COL11A1: variants seen among roughly 807,000 people sequenced by gnomAD.
COL11A1 encodes the protein collagen alpha-1(XI) chain.
In COL11A1, 74 loss-of-function variants were observed where a neutral mutation model predicts 265.2. The observed-to-expected ratio is 0.28, with a 90% CI of 0.23 to 0.34. COL11A1 has a LOEUF of 0.34. Ranked by LOEUF, COL11A1 falls within the 10% of genes least tolerant of loss-of-function variation. The probability of loss-of-function intolerance (pLI) is 1.00; values close to 1 mark genes in which losing one functional copy is unlikely to be tolerated. For missense variants in COL11A1, 2,165 were observed against 2,263.6 expected (o/e 0.96, Z 0.88); for synonymous variants, 816 against 727.6 (o/e 1.12, Z -1.96).
chr1:102,986,312 G>T (rs1344304588), intron 30 of COL11A1, among the ~76,000 whole-genome samples: 1 of 149,422 alleles, frequency 6.7e-6, no homozygotes, highest in Non-Finnish European at 1.5e-5. Context: ...CTATCGCAAG[G>T]ACAAAAAACC....
At chr1:102,946,757 C>T (rs993523371) in intron 42 of COL11A1, 92 bp downstream of exon 42, 19 of 964,904 alleles carry the variant, frequency 2.0e-5, no homozygotes, top group Middle Eastern at 2.2e-4. Flanking sequence ...AGAGAGAATA[C>T]GGTGGTGTAT....
intron 48 of COL11A1, 81 bp from the exon 49 acceptor site, chr1:102,920,445 A>C (rs1442263772): frequency 8.4e-7 from 1 of 1,194,380 alleles, no homozygotes; most frequent in East Asian, 2.4e-5. Flanking sequence ...AGTTGTTCTC[A>C]AAAAAGAGAA....
chr1:102,878,503 T>TATATATATATATATATATA (rs1553191037), intron 66 of COL11A1, among the ~76,000 whole-genome samples: 256 of 127,162 alleles, frequency 2.0e-3, no homozygotes, highest in South Asian at 3.6e-3. Flanking sequence ...TATATATATA[T>TATATATATATATATATATA]TCTTTTTCTT....
At chr1:102,913,789 A>T in intron 52 of COL11A1, 99 bp from the exon 53 acceptor site, 1 of 1,039,886 alleles carries the variant, frequency 9.6e-7, no homozygotes, top group South Asian at 1.3e-5. Context: ...TCTTGAGAAA[A>T]ATTATCAGAT....
chr1:102,998,697 T>G (rs1423373895), intron 24 of COL11A1, among the ~76,000 whole-genome samples: 1 of 151,854 alleles, frequency 6.6e-6, no homozygotes, highest in Non-Finnish European at 1.5e-5. Context: ...AATATATTGA[T>G]TCATATCATT....
intron 46 of COL11A1, among the ~76,000 whole-genome samples, chr1:102,933,675 G>C (rs1186474265): frequency 6.6e-6 from 1 of 152,074 alleles, no homozygotes; most frequent in African/African-American, 2.4e-5. Flanking sequence ...AATGGCGGGC[G>C]CCCCTCCCCC....
rs554010222 is a variant in COL11A1 at position 103,035,172 on chromosome 1, C to T, written c.652-3928G>A. On this transcript the variant is annotated intron_variant, in intron 4 of 66. Coordinates refer to ENST00000370096, the MANE Select transcript of COL11A1 (RefSeq NM_001854.4). ...ATTTGAAATAGCAGGGCCTTCTCCT[C>T]AGGTCTTTCCTGGACAGTCACACAG... Among the ~76,000 whole-genome samples the T allele has an allele frequency of 5.3e-5, 8 of 152,164 alleles. No individual in the cohort carries two copies. The East Asian group carries it at 1.5e-3, about 29-fold the overall frequency.
intron 29 of COL11A1, 108 bp from the exon 30 acceptor site, chr1:102,987,848 T>G (rs1478171101): frequency 1.3e-5 from 11 of 829,166 alleles, no homozygotes; most frequent in Non-Finnish European, 2.1e-5. Flanking sequence ...AAACTCCATC[T>G]TGCCTTTTAC....
intron 25 of COL11A1, 86 bp downstream of exon 25, chr1:102,998,224 T>G (rs2101807032): frequency 9.2e-7 from 1 of 1,081,482 alleles, no homozygotes; most frequent in East Asian, 2.5e-5. Flanking sequence ...ATTACTAACC[T>G]CATATAATCA....
At chr1:102,906,680 G>T (rs547563563) in intron 54 of COL11A1, among the ~76,000 whole-genome samples, 1 of 152,176 alleles carries the variant, frequency 6.6e-6, no homozygotes, top group East Asian at 1.9e-4. Context: ...GATTACAGGT[G>T]TCAGCCACTG....
chr1:103,101,194 A>C (rs1319163157), intron 1 of COL11A1, among the ~76,000 whole-genome samples: 1 of 151,846 alleles, frequency 6.6e-6, no homozygotes. Flanking sequence ...GGGAGGTGGG[A>C]AATGGCTGGT....
chr1:103,106,615 T>C (rs937781835), intron 1 of COL11A1, among the ~76,000 whole-genome samples: 8 of 152,332 alleles, frequency 5.3e-5, no homozygotes, highest in African/African-American at 1.9e-4. Flanking sequence ...CACTCTTATC[T>C]ATCCTTGAAA....
chr1:102,929,583 T>G (rs1254247506), intron 46 of COL11A1, among the ~76,000 whole-genome samples: 1 of 152,024 alleles, frequency 6.6e-6, no homozygotes, highest in Non-Finnish European at 1.5e-5. Context: ...GGGCTCTTTT[T>G]TGGTTCCATA....
intron 11 of COL11A1, among the ~76,000 whole-genome samples, chr1:103,017,152 C>T (rs1666631702): frequency 6.6e-6 from 1 of 152,034 alleles, no homozygotes; most frequent in South Asian, 2.1e-4. Context: ...TTGCATAATA[C>T]ACTTCTTATG....
intron 22 of COL11A1, 31 bp downstream of exon 22, chr1:103,002,716 A>G (rs761353936): frequency 1.3e-6 from 2 of 1,589,718 alleles, no homozygotes; most frequent in Non-Finnish European, 1.7e-6. Flanking sequence ...ATATTCAAAT[A>G]TGAGTTATTT....
chr1:102,919,601 C>T (rs187433858), intron 49 of COL11A1, among the ~76,000 whole-genome samples: 5 of 151,764 alleles, frequency 3.3e-5, no homozygotes, highest in East Asian at 1.9e-4. Flanking sequence ...TTTTAAAGCA[C>T]GCAAATATCC....
chr1:103,108,028 G>T (rs1306661349), intron 1 of COL11A1, 45 bp downstream of exon 1: 3 of 1,417,474 alleles, frequency 2.1e-6, no homozygotes, highest in African/African-American at 2.8e-5. Flanking sequence ...AGAAGCAGTA[G>T]GACCGACGGC....
chr1:102,949,973 A>G (rs531152926), intron 41 of COL11A1, among the ~76,000 whole-genome samples: 2 of 152,296 alleles, frequency 1.3e-5, no homozygotes. Flanking sequence ...CATTCAGTTC[A>G]TTTGACCTTT....
At chr1:102,950,628 A>G (rs74596090) in intron 41 of COL11A1, among the ~76,000 whole-genome samples, 1 of 152,110 alleles carries the variant, frequency 6.6e-6, no homozygotes, top group Admixed American at 6.5e-5. Context: ...CTCTAACACA[A>G]TATGTCCAAT....
Sources: allele counts gnomAD v4.1 joint callset (sites outside exome capture counted in the v4.1 genomes callset), GRCh38; gene constraint gnomAD v4.1.1; transcripts MANE v1.5; gene names NCBI Gene and HGNC (gene_info 2026-07-23, HGNC 2026-07-21).